The following ARHGEF3 variants were observed in gnomAD, a reference collection of about 807,000 sequenced individuals.
ARHGEF3 encodes the protein Rho guanine nucleotide exchange factor 3.
Under a neutral mutation model 63.2 loss-of-function variants are expected in ARHGEF3, and 28 were observed. The observed-to-expected ratio is 0.44, with a 90% CI of 0.33 to 0.61. The LOEUF (loss-of-function observed/expected upper bound fraction) is 0.61. ARHGEF3 is among the 20% of genes least tolerant of loss of function. The pLI is 0.03. For synonymous variants in ARHGEF3, 266 were observed against 254.2 expected (o/e 1.05, Z -0.44); for missense variants, 533 against 659.3 (o/e 0.81, Z 2.10).
chr3:56,843,168 T>C (rs553464703), intron 4 of ARHGEF3, among the ~76,000 whole-genome samples: 4 of 152,364 alleles, frequency 2.6e-5, no homozygotes, highest in East Asian at 1.9e-4. Context: ...TTTCTATGCA[T>C]GGATGTATCT....
intron 3 of ARHGEF3, among the ~76,000 whole-genome samples, chr3:56,934,680 C>T (rs1578879270): frequency 6.6e-6 from 1 of 152,258 alleles, no homozygotes; most frequent in African/African-American, 2.4e-5. Flanking sequence ...CGATTTCTCA[C>T]CAGGCCTTAG....
At chr3:56,799,127 ATT>A (rs2037512234) in intron 1 of ARHGEF3, among the ~76,000 whole-genome samples, 2 of 152,194 alleles carry the variant, frequency 1.3e-5, no homozygotes, top group African/African-American at 4.8e-5. Flanking sequence ...TTGAGTAGAA[ATT>A]TTATTTGCTT....
rs777328193 is a variant in ARHGEF3, at chr3:56,729,263, G to C, written c.*7C>G. 116 of 1,605,160 alleles carry C rather than the reference G, an allele frequency of 7.2e-5. No homozygotes were observed. The highest frequency in any genetic ancestry group is 8.9e-5 in the Non-Finnish European group (104 of 1,174,766). On this transcript the variant is annotated 3_prime_UTR_variant, in exon 10 of 10. Transcript: ENST00000296315. ...CAGGCCTGCTTCCCGAAGTGCACAT[G>C]CTTCTGTCAGACGTTACTTTCACCG... is the stretch of plus-strand genomic sequence containing the variant.
At chr3:56,974,290 T>A (rs1196922894) in intron 2 of ARHGEF3, among the ~76,000 whole-genome samples, 2 of 152,176 alleles carry the variant, frequency 1.3e-5, no homozygotes, top group Non-Finnish European at 2.9e-5. Flanking sequence ...ATGAGGAATA[T>A]AATATACTAG....
chr3:56,958,473 C>CT (rs111229515), intron 3 of ARHGEF3, among the ~76,000 whole-genome samples: 39,023 of 151,742 alleles, frequency 0.26, 5,859 homozygotes, highest in East Asian at 0.37. Context: ...GGACTACAGG[C>CT]ACATGCCACC....
chr3:56,977,666 T>C (rs1387494296), intron 2 of ARHGEF3, among the ~76,000 whole-genome samples: 3 of 151,994 alleles, frequency 2.0e-5, no homozygotes, highest in African/African-American at 4.8e-5. Context: ...AAATGGAGAT[T>C]TGCAAAGTGA....
intron 2 of ARHGEF3, among the ~76,000 whole-genome samples, chr3:56,773,102 A>T (rs2036094250): frequency 6.6e-6 from 1 of 152,168 alleles, no homozygotes; most frequent in East Asian, 1.9e-4. Flanking sequence ...CTCTGTCACA[A>T]CTACTCAATT....
intron 4 of ARHGEF3, among the ~76,000 whole-genome samples, chr3:56,847,282 C>G (rs2039522566): frequency 6.6e-6 from 1 of 152,138 alleles, no homozygotes; most frequent in Non-Finnish European, 1.5e-5. Flanking sequence ...TGTCTTGGAG[C>G]CAATTCAACC....
At chr3:56,825,922 T>C (rs2038697994) in intron 4 of ARHGEF3, among the ~76,000 whole-genome samples, 1 of 152,206 alleles carries the variant, frequency 6.6e-6, no homozygotes, top group African/African-American at 2.4e-5. Flanking sequence ...TGGGAGTACA[T>C]GTGACTCAGG....
chr3:57,069,383 A>T (rs1173442261), intron 1 of ARHGEF3, among the ~76,000 whole-genome samples: 3 of 150,952 alleles, frequency 2.0e-5, no homozygotes, highest in African/African-American at 4.9e-5. Context: ...TCAAACACAC[A>T]CACACACACA....
chr3:56,738,242 G>A (rs765030895), intron 7 of ARHGEF3, among the ~76,000 whole-genome samples: 1 of 152,054 alleles, frequency 6.6e-6, no homozygotes, highest in Non-Finnish European at 1.5e-5. Flanking sequence ...GTTTCACCAT[G>A]TTGGCCAGGG....
intron 1 of ARHGEF3, among the ~76,000 whole-genome samples, chr3:57,070,174 T>C (rs1301974431): frequency 2.6e-5 from 4 of 152,176 alleles, no homozygotes; most frequent in Non-Finnish European, 5.9e-5. Context: ...GGTCTCCCAG[T>C]TCCCACCACA....
At chr3:56,939,440 T>G (rs576264663) in intron 3 of ARHGEF3, among the ~76,000 whole-genome samples, 54 of 152,210 alleles carry the variant, frequency 3.5e-4, no homozygotes, top group African/African-American at 1.1e-3. Flanking sequence ...AAATAAAAAT[T>G]TCAATGAACA....
At chr3:56,829,832 G>C (rs1370623835) in intron 4 of ARHGEF3, among the ~76,000 whole-genome samples, 1 of 152,194 alleles carries the variant, frequency 6.6e-6, no homozygotes, top group Non-Finnish European at 1.5e-5. Flanking sequence ...CATAAGCAGG[G>C]ATTTGTTTCC....
intron 3 of ARHGEF3, among the ~76,000 whole-genome samples, chr3:56,888,261 C>A (rs1233453982): frequency 1.3e-5 from 2 of 152,212 alleles, no homozygotes; most frequent in South Asian, 4.1e-4. Flanking sequence ...AAGGGTGAGG[C>A]ACATCCCTGA....
intron 1 of ARHGEF3, among the ~76,000 whole-genome samples, chr3:56,801,148 C>G (rs541228923): frequency 3.9e-5 from 6 of 152,228 alleles, no homozygotes; most frequent in Admixed American, 1.3e-4. Context: ...CCCAGCCCCC[C>G]GGCTGAATGA....
In ARHGEF3 at chr3:56,891,174, T is replaced by C. The variant is rs1165075361; in HGVS notation, c.130-8820A>G. 5.3e-5 allele frequency among the ~76,000 whole-genome samples: 5 copies of C among 94,002 alleles called. 1 individual carries two copies. The highest frequency in any genetic ancestry group is 8.2e-5 in the Non-Finnish European group (4 of 48,988). 61.7% of individuals were successfully genotyped at this position (94,002 alleles called of 152,430 possible). A position where few individuals can be genotyped will look rare whatever the true frequency, so the allele number is the denominator to read the frequency against. ...AAAGAAGGAGCACCAACTCCATTTT[T>C]AAAAAGTAAAAAAAAAAAAAAAAAA... On this transcript the variant is annotated intron_variant, in intron 3 of 12. Coordinates refer to the ARHGEF3 transcript ENST00000338458.
chr3:56,826,055 C>T (rs1205591713), intron 4 of ARHGEF3, among the ~76,000 whole-genome samples: 1 of 152,116 alleles, frequency 6.6e-6, no homozygotes, highest in Non-Finnish European at 1.5e-5. Context: ...AGAAAGTACC[C>T]TTAAGTTAGA....
intron 1 of ARHGEF3, among the ~76,000 whole-genome samples, chr3:57,045,785 T>C (rs17825654): frequency 0.16 from 23,795 of 152,194 alleles, 2,256 homozygotes; most frequent in Non-Finnish European, 0.22. Context: ...AAAATGGCCC[T>C]AGAAATGGTC....
Sources: gnomAD v4.1 joint callset for allele counts (sites outside exome capture counted in the v4.1 genomes callset) on GRCh38, gnomAD v4.1.1 for gene constraint, MANE v1.5 for transcripts, NCBI Gene and HGNC (gene_info 2026-07-23, HGNC 2026-07-21) for gene names.